ZNF423: variants seen among roughly 807,000 people sequenced by gnomAD.
ZNF423 encodes the protein zinc finger protein 423, also known as Ebf-associated zinc finger protein.
A neutral mutation model predicts 95.8 loss-of-function variants in ZNF423; 12 were observed. That is an observed-to-expected ratio of 0.13 (90% CI 0.08 to 0.20). The LOEUF is 0.20. ZNF423 is among the 10% of genes least tolerant of loss of function. The pLI is 1.00. For synonymous variants in ZNF423, 749 were observed against 711.9 expected, an observed-to-expected ratio of 1.05 and a Z score of -0.83; for missense variants, 1,316 against 1,737.1, an observed-to-expected ratio of 0.76 and a Z score of 4.31.
intron 2 of ZNF423, among the ~76,000 whole-genome samples, chr16:49,789,146 A>G (rs1297896117): frequency 2.0e-5 from 3 of 152,112 alleles, no homozygotes; most frequent in Non-Finnish European, 2.9e-5. Flanking sequence ...GTCCTATTAA[A>G]GTGGCTTTTA....
At chr16:49,552,868 C>T (rs1009292654) in intron 5 of ZNF423, among the ~76,000 whole-genome samples, 1 of 151,902 alleles carries the variant, frequency 6.6e-6, no homozygotes, top group Admixed American at 6.6e-5. Context: ...GGGCCCCCAC[C>T]CCTCCAGGAG....
chr16:49,678,096 T>G (rs942019548), intron 3 of ZNF423, among the ~76,000 whole-genome samples: 5 of 152,044 alleles, frequency 3.3e-5, no homozygotes, highest in African/African-American at 1.2e-4. Context: ...GGCAGGATAA[T>G]TGCTTGAGCT....
chr16:49,648,380 G>C (rs1050401916), intron 3 of ZNF423, among the ~76,000 whole-genome samples: 1 of 152,220 alleles, frequency 6.6e-6, no homozygotes, highest in Non-Finnish European at 1.5e-5. Context: ...CAGTGCTCAC[G>C]CCTGTAATCC....
intron 1 of ZNF423, among the ~76,000 whole-genome samples, chr16:49,822,975 G>C (rs142194630): frequency 2.0e-5 from 3 of 152,156 alleles, no homozygotes; most frequent in Admixed American, 2.0e-4. Context: ...CCTTCCCTGG[G>C]GTATGGCCCA....
intron 7 of ZNF423, among the ~76,000 whole-genome samples, chr16:49,493,171 C>T (rs1034518110): frequency 1.3e-5 from 2 of 151,874 alleles, no homozygotes; most frequent in Admixed American, 6.6e-5. Context: ...TGTGGGGAGC[C>T]GAATCCACAC....
intron 5 of ZNF423, among the ~76,000 whole-genome samples, chr16:49,557,556 G>A (rs1034191256): frequency 2.0e-5 from 3 of 152,216 alleles, no homozygotes; most frequent in East Asian, 1.9e-4. Context: ...GGTGGAAAAC[G>A]ATGGCATGGC....
In ZNF423 at chr16:49,730,820, G is replaced by C; in HGVS notation, c.252C>G (p.Phe84Leu). Residue 84 changes from phenylalanine (F) to leucine (L), a missense_variant, in exon 3 of 8, where the codon TTC (phenylalanine) becomes TTG (leucine). Phe to Leu is a conservative substitution (Grantham distance 22). This residue lies in a region of ZNF423 where 155 missense variants were observed against 170.8 expected (regional missense o/e 0.91). Coordinates refer to ENST00000563137, the MANE Select transcript of ZNF423 (RefSeq NM_001379286.1). ...IYTCDHCQQD[F>L]ESLADLTDHR... ...GGTCCGTCAGGTCTGCCAGAGACTCGAAGTCCTGCTGACAGTGATCGCAGG... is the reference window on the plus strand; with the variant it reads ...GGTCCGTCAGGTCTGCCAGAGACTCCAAGTCCTGCTGACAGTGATCGCAGG... 1.9e-6 allele frequency: 3 copies of C among 1,614,186 alleles called. No individual in the cohort carries two copies. Among genetic ancestry groups the C allele is most frequent in the Non-Finnish European group, 2.5e-6 (3 of 1,180,024 alleles).
At position 49,735,461 on chromosome 16, in the gene ZNF423, A is replaced by G. The variant is rs2033262086; in HGVS notation, c.101-4490T>C. Among the ~76,000 whole-genome samples the G allele has an allele frequency of 2.0e-5, 3 of 152,110 alleles. No homozygotes were observed. In the South Asian group the frequency reaches 6.2e-4, roughly 31 times the overall value. ...GCATTTTCCACAGACTGCCACAGCA[A>G]TATCTCCCACCCCACCTGCCCTTCT... On this transcript the variant is annotated intron_variant, in intron 2 of 7. Transcript: ENST00000563137.
At chr16:49,600,155 T>C (rs141374446) in intron 5 of ZNF423, among the ~76,000 whole-genome samples, 2,508 of 151,476 alleles carry the variant, frequency 0.017, 54 homozygotes, top group African/African-American at 0.058. Context: ...CTACCAAAAA[T>C]ACAAAAATCA....
At chr16:49,802,842 A>G (rs541830369) in intron 1 of ZNF423, among the ~76,000 whole-genome samples, 6 of 152,252 alleles carry the variant, frequency 3.9e-5, no homozygotes, top group Non-Finnish European at 8.8e-5. Context: ...TAAAATGAAG[A>G]AAGTAAAAGC....
At chr16:49,652,261 C>T (rs566016919) in intron 3 of ZNF423, among the ~76,000 whole-genome samples, 52 of 152,102 alleles carry the variant, frequency 3.4e-4, no homozygotes, top group Admixed American at 7.2e-4. Context: ...TGCCAGGCAG[C>T]TCCATCCCTT....
chr16:49,622,861 G>A (rs1972130659), intron 5 of ZNF423, among the ~76,000 whole-genome samples: 1 of 152,218 alleles, frequency 6.6e-6, no homozygotes, highest in Non-Finnish European at 1.5e-5. Context: ...GCAGCTGTTA[G>A]CATCCTTATT....
intron 2 of ZNF423, among the ~76,000 whole-genome samples, chr16:49,735,023 T>C (rs2033252683): frequency 6.6e-6 from 1 of 152,080 alleles, no homozygotes; most frequent in Non-Finnish European, 1.5e-5. Flanking sequence ...CTCTACTACA[T>C]GGTTTCCTCA....
At chr16:49,520,987 C>T (rs1968373850) in intron 7 of ZNF423, among the ~76,000 whole-genome samples, 1 of 152,184 alleles carries the variant, frequency 6.6e-6, no homozygotes, top group Non-Finnish European at 1.5e-5. Flanking sequence ...ATTTGAGGAT[C>T]TGACTTAAAG....
intron 1 of ZNF423, chr16:49,826,885 AC>A (rs1470843801): frequency 2.0e-5 from 3 of 152,134 alleles, no homozygotes; most frequent in Non-Finnish European, 4.4e-5. Flanking sequence ...TTTCTCTCTG[AC>A]CTTTGAAAAG....
intron 7 of ZNF423, among the ~76,000 whole-genome samples, chr16:49,513,838 G>C (rs1171537681): frequency 2.6e-5 from 4 of 152,104 alleles, no homozygotes; most frequent in Non-Finnish European, 5.9e-5. Context: ...GGCTTCTCAG[G>C]GGAGGAGGCA....
chr16:49,510,408 A>G (rs151054937), intron 7 of ZNF423, among the ~76,000 whole-genome samples: 3 of 152,318 alleles, frequency 2.0e-5, no homozygotes, highest in Non-Finnish European at 4.4e-5. Flanking sequence ...CCCAGGACAC[A>G]GGCCTGAACC....
At chr16:49,705,550 T>C (rs1045819023) in intron 3 of ZNF423, among the ~76,000 whole-genome samples, 1 of 152,202 alleles carries the variant, frequency 6.6e-6, no homozygotes, top group Non-Finnish European at 1.5e-5. Context: ...TATTTTATTT[T>C]TTGTGCGTGA....
At chr16:49,858,457 G>T (rs1195797323), upstream of ZNF423, among the ~76,000 whole-genome samples, 1 of 150,998 alleles carries the variant, frequency 6.6e-6, no homozygotes, top group African/African-American at 2.4e-5. This position sits in a 1 kb window ranked among gnomAD's most constrained non-coding sequence, Gnocchi z 4.3. Flanking sequence ...GGGGGGCCAG[G>T]CGCGCGCGCC....
Sources: allele counts gnomAD v4.1 joint callset (sites outside exome capture counted in the v4.1 genomes callset), GRCh38; gene constraint gnomAD v4.1.1; regional missense constraint gnomAD v4.1.1; non-coding constraint Gnocchi (gnomAD v3.1); transcripts MANE v1.5; gene names NCBI Gene and HGNC (gene_info 2026-07-23, HGNC 2026-07-21).